Variants in ANKRD36 observed in about 807,000 individuals in gnomAD.
ANKRD36 encodes the protein ankyrin repeat domain 36, also known as ankyrin repeat domain-containing protein 36A.
ANKRD36 carries 179 observed loss-of-function variants against 278.1 expected under a neutral mutation model. The ratio of observed to expected loss-of-function variants is 0.64; its 90% CI spans 0.57 to 0.73. The LOEUF (loss-of-function observed/expected upper bound fraction) is 0.73, where lower values mean the gene tolerates loss of function less well. Ranked by LOEUF, ANKRD36 falls within the 30% of genes least tolerant of loss-of-function variation. The pLI is 0.00. For missense variants in ANKRD36, 1,159 were observed against 1,956.7 expected (o/e 0.59, Z 7.69); for synonymous variants, 320 against 641.1 (o/e 0.50, Z 7.57).
rs1451546943 is a variant in ANKRD36 at position 97,189,834 on chromosome 2, A to T, written c.2245+544A>T. 2.3e-5 allele frequency among the ~76,000 whole-genome samples: 2 copies of T among 85,432 alleles called. 1 individual carries two copies. The highest frequency in any genetic ancestry group is 5.4e-5 in the African/African-American group (2 of 37,348). The allele number at this position is 85,432 out of a possible 152,430, so 56.0% of individuals were successfully genotyped here. ...GGTTTCTGCTGAGGAAATCTGAGTGAACTCACTTCACATGCATTTGGAATA... is the reference window on the plus strand; with the variant it reads ...GGTTTCTGCTGAGGAAATCTGAGTGTACTCACTTCACATGCATTTGGAATA... On this transcript the variant is annotated intron_variant, in intron 34 of 75. Coordinates refer to ENST00000420699, the MANE Select transcript of ANKRD36 (RefSeq NM_001354587.1).
At chr2:97,211,476 A>G (rs533356476) in intron 56 of ANKRD36, 70 bp from the exon 57 acceptor site, 4 of 1,573,808 alleles carry the variant, frequency 2.5e-6, no homozygotes, top group African/African-American at 1.4e-5. Context: ...TGATGCTAAC[A>G]CTGTATGAAT....
chr2:97,194,288 C>T (rs1162091218), intron 38 of ANKRD36, among the ~76,000 whole-genome samples: 2 of 151,544 alleles, frequency 1.3e-5, no homozygotes, highest in Non-Finnish European at 2.9e-5. Flanking sequence ...ATTTATTGGG[C>T]AAGTTAAAGA....
chr2:97,199,959 G>A (rs1482238659), intron 44 of ANKRD36, among the ~76,000 whole-genome samples: 1 of 151,872 alleles, frequency 6.6e-6, no homozygotes, highest in Non-Finnish European at 1.5e-5. Flanking sequence ...TTTGTTGCAT[G>A]AAAGACATGT....
At chr2:97,190,840 A>G (rs2058360760) in intron 34 of ANKRD36, 138 bp from the exon 35 acceptor site, 6 of 1,336,752 alleles carry the variant, frequency 4.5e-6, no homozygotes, top group Admixed American at 2.4e-5. Flanking sequence ...TTCCAGTCCC[A>G]AGAGACAAAG....
chr2:97,131,302 A>G (rs532653356), intron 6 of ANKRD36, among the ~76,000 whole-genome samples: 4 of 151,706 alleles, frequency 2.6e-5, no homozygotes, highest in South Asian at 4.2e-4. Context: ...TGGTCCTCCT[A>G]CCTCAGCCTC....
At chr2:97,201,112 C>T (rs2061257872) in intron 46 of ANKRD36, among the ~76,000 whole-genome samples, 1 of 151,892 alleles carries the variant, frequency 6.6e-6, no homozygotes. Flanking sequence ...ACTTTGGCAG[C>T]TCCAGCAACT....
intron 64 of ANKRD36, 142 bp from the exon 65 acceptor site, chr2:97,218,907 TC>T (rs1165389668): frequency 2.1e-4 from 271 of 1,280,658 alleles, no homozygotes; most frequent in Non-Finnish European, 2.7e-4. Flanking sequence ...CATATTACTG[TC>T]CCAAAGAAAC....
intron 48 of ANKRD36, among the ~76,000 whole-genome samples, chr2:97,203,560 TC>T (rs2061982836): frequency 6.6e-6 from 1 of 151,850 alleles, no homozygotes; most frequent in African/African-American, 2.4e-5. Context: ...GTAGGACACT[TC>T]CACTGAAGAG....
chr2:97,199,310 C>T (rs1403496777), intron 44 of ANKRD36, among the ~76,000 whole-genome samples: 2 of 151,908 alleles, frequency 1.3e-5, no homozygotes, highest in African/African-American at 4.8e-5. Flanking sequence ...ACCCCTTACT[C>T]TTCTTGTTAC....
chr2:97,243,986 C>T lies in ANKRD36; in HGVS notation c.4448C>T (p.Ser1483Leu). Residue 1483 changes from serine to leucine, a missense_variant, in exon 70 of 76, where the codon TCA becomes TTA. Transcript: ENST00000420699. Reference protein sequence around the residue: ...VTKPIKPALKSAEVELKTGGN... With the variant: ...VTKPIKPALKLAEVELKTGGN... The stretch of plus-strand genomic sequence containing the variant: ...AAACCAATTAAACCGGCTCTCAAAT[C>T]AGCAGAGGTGGAATTGAAGACAGGA... 3 of 1,599,188 alleles carry T rather than the reference C, an allele frequency of 1.9e-6. No individual in the cohort carries two copies. Among genetic ancestry groups the T allele is most frequent in the Non-Finnish European group, 2.6e-6 (3 of 1,174,414 alleles).
intron 5 of ANKRD36, 66 bp downstream of exon 5, chr2:97,124,663 A>C: frequency 6.8e-7 from 1 of 1,480,640 alleles, no homozygotes; most frequent in Non-Finnish European, 9.0e-7. Flanking sequence ...TAACAATTGC[A>C]TCTTATATAT....
intron 24 of ANKRD36, among the ~76,000 whole-genome samples, chr2:97,180,214 T>C (rs2055747193): frequency 6.6e-6 from 1 of 151,734 alleles, no homozygotes; most frequent in Admixed American, 6.6e-5. Flanking sequence ...ATAATTTTGC[T>C]TTAATTTTAC....
intron 12 of ANKRD36, among the ~76,000 whole-genome samples, chr2:97,150,717 C>G (rs1160788004): frequency 6.6e-6 from 1 of 152,202 alleles, no homozygotes; most frequent in Non-Finnish European, 1.5e-5. Flanking sequence ...TATCTTCCAA[C>G]TGGAAGCTTA....
intron 1 of ANKRD36, among the ~76,000 whole-genome samples, chr2:97,116,686 C>T (rs369780477): frequency 7.6e-4 from 115 of 152,116 alleles, no homozygotes; most frequent in South Asian, 5.6e-3. Context: ...GATTTTAGTA[C>T]ATAAATAGGT....
intron 6 of ANKRD36, among the ~76,000 whole-genome samples, chr2:97,135,263 A>G (rs932748236): frequency 4.6e-5 from 7 of 151,882 alleles, no homozygotes; most frequent in African/African-American, 1.7e-4. Flanking sequence ...TGGGGGATAC[A>G]TTTCAAGACC....
chr2:97,207,530 C>T (rs955247066), intron 52 of ANKRD36, among the ~76,000 whole-genome samples: 8 of 151,546 alleles, frequency 5.3e-5, no homozygotes, highest in Non-Finnish European at 1.2e-4. Context: ...GTCCTCATCA[C>T]TCGGCATATC....
chr2:97,114,286 G>A (rs1574442979), intron 1 of ANKRD36, among the ~76,000 whole-genome samples: 3 of 126,532 alleles, frequency 2.4e-5, no homozygotes, highest in South Asian at 6.0e-4. Context: ...GACTGGAGGT[G>A]GGGGTGAGGG....
chr2:97,213,807 A>G (rs2065274643), intron 60 of ANKRD36, among the ~76,000 whole-genome samples, 193 bp downstream of exon 60: 1 of 151,808 alleles, frequency 6.6e-6, no homozygotes. Context: ...CAGTAAGATT[A>G]TAGACTTCCC....
chr2:97,226,909 C>G (rs1427421664), intron 67 of ANKRD36, among the ~76,000 whole-genome samples: 4 of 151,928 alleles, frequency 2.6e-5, no homozygotes, highest in African/African-American at 9.7e-5. Flanking sequence ...TTGTTTTTCT[C>G]AGGGTTGTCA....
Sources: allele counts gnomAD v4.1 joint callset (sites outside exome capture counted in the v4.1 genomes callset), GRCh38; gene constraint gnomAD v4.1.1; transcripts MANE v1.5; gene names NCBI Gene and HGNC (gene_info 2026-07-23, HGNC 2026-07-21).